POLN: variants seen among roughly 807,000 people sequenced by gnomAD.
The protein encoded by POLN is DNA polymerase N.
POLN carries 108 observed loss-of-function variants against 113.5 expected under a neutral mutation model. That is an observed-to-expected ratio of 0.95 (90% confidence interval 0.81 to 1.12). POLN has a LOEUF of 1.12. POLN is among the 50% of genes most tolerant of loss of function. The probability of loss-of-function intolerance (pLI) is 0.00; values close to 1 mark genes in which losing one functional copy is unlikely to be tolerated. For missense variants in POLN, 1,097 were observed against 1,077.1 expected, an observed-to-expected ratio of 1.02 and a Z score of -0.26; for synonymous variants, 386 against 391.5, an observed-to-expected ratio of 0.99 and a Z score of 0.17.
chr4:2,196,055 A>C (rs1382960288), intron 6 of POLN, among the ~76,000 whole-genome samples: 1 of 152,218 alleles, frequency 6.6e-6, no homozygotes, highest in Non-Finnish European at 1.5e-5. Flanking sequence ...TGCATCACTA[A>C]GGGAAGTCAG....
intron 3 of POLN, among the ~76,000 whole-genome samples, chr4:2,218,015 T>A (rs1306230445): frequency 1.3e-5 from 2 of 152,186 alleles, no homozygotes; most frequent in Admixed American, 1.3e-4. Flanking sequence ...TGCAGTAATT[T>A]AGCCAGGTGT....
At chr4:2,091,189 G>A (rs1730654290) in intron 20 of POLN, among the ~76,000 whole-genome samples, 1 of 152,180 alleles carries the variant, frequency 6.6e-6, no homozygotes, top group African/African-American at 2.4e-5. Flanking sequence ...GTTGATCCCT[G>A]TGTGAGGGCT....
chr4:2,157,983 G>C lies in POLN; in HGVS notation c.1612-72C>G, dbSNP rs531888596. 8 of 1,221,804 alleles carry C rather than the reference G, an allele frequency of 6.5e-6. No individual in the cohort carries two copies. In the South Asian group the frequency reaches 6.6e-5, roughly 10 times the overall value. 75.7% of individuals were successfully genotyped at this position (1,221,804 alleles called of 1,614,324 possible). On this transcript the variant is annotated intron_variant, in intron 14 of 25. Coordinates refer to ENST00000511885, the MANE Select transcript of POLN (RefSeq NM_181808.4). Reference sequence around the variant, plus strand: ...TTTTTTTGTGGGGGGAAGGAGTCTCGCTCCATTGCCCAGGCTGGAGTGCAG... The same window carrying C: ...TTTTTTTGTGGGGGGAAGGAGTCTCCCTCCATTGCCCAGGCTGGAGTGCAG...
chr4:2,228,851 T>A, intron 3 of POLN: 1 of 370,608 alleles, frequency 2.7e-6, no homozygotes, highest in Non-Finnish European at 4.8e-6. Flanking sequence ...AAATACCTGA[T>A]CCAGATTCTA....
chr4:2,116,330 C>T (rs1731316544), intron 19 of POLN, among the ~76,000 whole-genome samples: 1 of 152,202 alleles, frequency 6.6e-6, no homozygotes, highest in Non-Finnish European at 1.5e-5. Flanking sequence ...TCCTCATCCT[C>T]TCCTTCCCTA....
At chr4:2,228,353 T>C in intron 3 of POLN, 1 of 245,322 alleles carries the variant, frequency 4.1e-6, no homozygotes, top group Non-Finnish European at 7.9e-6. Context: ...TTTCACTTTT[T>C]TTTTTTTTTT....
intron 16 of POLN, among the ~76,000 whole-genome samples, chr4:2,148,698 A>T (rs577524923): frequency 6.6e-6 from 1 of 152,136 alleles, no homozygotes; most frequent in Non-Finnish European, 1.5e-5. Context: ...GTGAATAAAT[A>T]ATCACCAATA....
At chr4:2,179,741 T>G (rs549554064) in intron 7 of POLN, among the ~76,000 whole-genome samples, 2 of 152,326 alleles carry the variant, frequency 1.3e-5, no homozygotes, top group South Asian at 4.1e-4. Flanking sequence ...CCAAGCTCAC[T>G]TGCAATTTGG....
intron 11 of POLN, 85 bp from the exon 12 acceptor site, chr4:2,171,266 C>T: frequency 7.7e-7 from 1 of 1,291,548 alleles, no homozygotes; most frequent in Non-Finnish European, 1.1e-6. Context: ...CAATTCTCAA[C>T]AGCGAGATGG....
intron 19 of POLN, among the ~76,000 whole-genome samples, chr4:2,124,441 T>A (rs982015674): frequency 1.3e-5 from 2 of 151,916 alleles, no homozygotes; most frequent in African/African-American, 4.8e-5. Context: ...CCGGCTAATT[T>A]AAAAAAAAAT....
intron 7 of POLN, 52 bp from the exon 8 acceptor site, chr4:2,179,517 T>C (rs1171649773): frequency 6.4e-7 from 1 of 1,567,620 alleles, no homozygotes. Flanking sequence ...ATAGTTGTTT[T>C]TCCTGCTTTG....
At position 2,099,340 on chromosome 4, in the gene POLN, A is replaced by G. The variant is rs746761892; in HGVS notation, c.1983-3407T>C. Among the ~76,000 whole-genome samples the G allele has an allele frequency of 5.3e-5, 8 of 152,364 alleles. No individual in the cohort carries two copies. The Middle Eastern group carries it at 0.014, about 259-fold the overall frequency. The stretch of plus-strand genomic sequence containing the variant: ...CACCCAGGTGACCCAGGTCAGCATC[A>G]GCAGGGGTAAGTCCTGTTGACAGTG... On this transcript the variant is annotated intron_variant, in intron 19 of 25. Coordinates refer to ENST00000511885, the MANE Select transcript of POLN (RefSeq NM_181808.4).
chr4:2,171,132 C>T lies in POLN; in HGVS notation c.1424G>A (p.Arg475Gln), dbSNP rs777069200. Residue 475 changes from arginine to glutamine, a missense_variant, in exon 12 of 26, where the codon CGG (arginine) becomes CAG (glutamine). By Grantham distance (43) the Arg-to-Gln change is conservative. Coordinates refer to ENST00000511885, the MANE Select transcript of POLN (RefSeq NM_181808.4). ...CTGGTTATTGCTCGTTATAAGAAAC[C>T]GTTCTCCTGCAACAAAATGAGCTTC... ...EQEAHFVAGE[R>Q]FLITSNNQLR... is the part of the protein sequence containing the mutation. 6.8e-6 allele frequency: 11 copies of T among 1,613,614 alleles called. No individual in the cohort carries two copies. The highest frequency in any genetic ancestry group is 2.2e-5 in the East Asian group (1 of 44,870).
At chr4:2,197,215 C>T (rs1733598866) in intron 6 of POLN, among the ~76,000 whole-genome samples, 1 of 152,160 alleles carries the variant, frequency 6.6e-6, no homozygotes. Flanking sequence ...GCTCTGGGTG[C>T]TGCACAGAAA....
chr4:2,121,939 T>C (rs1251388057), intron 19 of POLN, among the ~76,000 whole-genome samples: 1 of 152,128 alleles, frequency 6.6e-6, no homozygotes, highest in African/African-American at 2.4e-5. Flanking sequence ...ACTTGAGATC[T>C]TTCCTGATTT....
intron 18 of POLN, among the ~76,000 whole-genome samples, 187 bp downstream of exon 18, chr4:2,128,992 T>C (rs1422659800): frequency 3.3e-5 from 5 of 150,480 alleles, no homozygotes; most frequent in African/African-American, 1.2e-4. Flanking sequence ...GAGGCAGAGG[T>C]TGCAGTGAGT....
Position 2,184,570 on chromosome 4 carries a change from T to TA in POLN, c.1022-5106dup, listed in dbSNP as rs59914847. ...TATGAACTCACAGTATATTTTATCT[T>TA]AAAAAAAAATACAAACATCTTAGCC... is the stretch of plus-strand genomic sequence containing the variant. On this transcript the variant is annotated intron_variant, in intron 7 of 25. Coordinates refer to ENST00000511885, the MANE Select transcript of POLN (RefSeq NM_181808.4). 9.9e-5 allele frequency among the ~76,000 whole-genome samples: 15 copies of TA among 151,528 alleles called. 1 individual carries two copies. The South Asian group carries it at 2.5e-3, about 25-fold the overall frequency.
chr4:2,097,516 A>G (rs1447300257), intron 19 of POLN, among the ~76,000 whole-genome samples: 2 of 151,978 alleles, frequency 1.3e-5, no homozygotes, highest in Non-Finnish European at 2.9e-5. Flanking sequence ...ATGCCCAGCT[A>G]ATTTTTGTAT....
chr4:2,084,208 G>C (rs1047553239), intron 21 of POLN, among the ~76,000 whole-genome samples: 1 of 152,240 alleles, frequency 6.6e-6, no homozygotes, highest in Non-Finnish European at 1.5e-5. Context: ...ATCTTGACTG[G>C]AATCATTTTG....
Sources: allele counts gnomAD v4.1 joint callset (sites outside exome capture counted in the v4.1 genomes callset), GRCh38; gene constraint gnomAD v4.1.1; transcripts MANE v1.5; gene names NCBI Gene and HGNC (gene_info 2026-07-23, HGNC 2026-07-21).